Variants in UTRN observed in about 807,000 individuals in gnomAD.
UTRN encodes the protein utrophin.
UTRN carries 283 observed loss-of-function variants against 463.9 expected under a neutral mutation model. The ratio of observed to expected loss-of-function variants is 0.61; its 90% CI spans 0.55 to 0.67. The LOEUF is 0.67. Among genes scored for constraint, UTRN ranks in the 30% least tolerant of loss-of-function variants. The pLI is 0.00. For synonymous variants in UTRN, 1,442 were observed against 1,431.5 expected (o/e 1.01, Z -0.17); for missense variants, 3,922 against 4,084.3 (o/e 0.96, Z 1.08).
intron 2 of UTRN, chr6:144,330,677 A>AC (rs1776269180): frequency 3.8e-6 from 1 of 263,532 alleles, no homozygotes; most frequent in African/African-American, 2.3e-5. Context: ...GTGTTGTCAC[A>AC]CGTCTTCAGA....
At chr6:144,361,209 C>T (rs912109578) in intron 2 of UTRN, among the ~76,000 whole-genome samples, 6 of 152,168 alleles carry the variant, frequency 3.9e-5, no homozygotes, top group Non-Finnish European at 1.5e-5. Flanking sequence ...TGACTTTCCA[C>T]CCACTTTCTT....
chr6:144,724,009 C>CAAAA lies in UTRN; in HGVS notation c.7810-6331_7810-6328dup, dbSNP rs59598919. Among the ~76,000 whole-genome samples, 393 of 57,460 alleles carry CAAAA rather than the reference C, an allele frequency of 6.8e-3. 1 individual carries two copies. The highest frequency in any genetic ancestry group is 0.014 in the African/African-American group (257 of 17,766). The allele number at this position is 57,460 out of a possible 152,430, so 37.7% of individuals were successfully genotyped here. ...TGGGCGACAGAGTGAGACTCCATCT[C>CAAAA]AAAAAAAAAAAAAAAAAAAAGAAAG... On this transcript the variant is annotated intron_variant, in intron 53 of 74. Transcript: ENST00000367545.
At chr6:144,448,566 T>C (rs1473497594) in intron 16 of UTRN, 34 bp from the exon 17 acceptor site, 1 of 1,605,920 alleles carries the variant, frequency 6.2e-7, no homozygotes, top group Non-Finnish European at 8.5e-7. Flanking sequence ...GAAGCTGTTA[T>C]AAACATTGAA....
chr6:144,744,320 A>ATGTGTGTG (rs757430794), intron 54 of UTRN, among the ~76,000 whole-genome samples: 40 of 95,436 alleles, frequency 4.2e-4, no homozygotes, highest in African/African-American at 1.7e-3. Context: ...ATATATATAT[A>ATGTGTGTG]TGTGTGTGTG....
chr6:144,679,315 G>A (rs1781975152), intron 52 of UTRN, among the ~76,000 whole-genome samples: 1 of 152,118 alleles, frequency 6.6e-6, no homozygotes, highest in Non-Finnish European at 1.5e-5. Context: ...ATTTAATAGA[G>A]AGTGGACAGC....
At chr6:144,398,667 A>T (rs1252110002) in intron 2 of UTRN, 1 of 156,072 alleles carries the variant, frequency 6.4e-6, no homozygotes, top group Non-Finnish European at 1.4e-5. Flanking sequence ...GATCAAGAAA[A>T]TACCAGGAAT....
chr6:144,512,854 T>G (rs1240840371), intron 35 of UTRN, among the ~76,000 whole-genome samples: 1 of 152,186 alleles, frequency 6.6e-6, no homozygotes, highest in African/African-American at 2.4e-5. Flanking sequence ...TTTTCTTTTT[T>G]CAACTATGTT....
intron 2 of UTRN, among the ~76,000 whole-genome samples, chr6:144,350,236 TAAGTA>T: frequency 6.6e-6 from 1 of 151,038 alleles, no homozygotes; most frequent in South Asian, 2.1e-4. Flanking sequence ...TAAAATATCT[TAAGTA>T]ATCAGACTGT....
At chr6:144,301,602 G>T (rs959377062) in intron 2 of UTRN, among the ~76,000 whole-genome samples, 43 of 138,150 alleles carry the variant, frequency 3.1e-4, no homozygotes, top group Admixed American at 3.0e-3. Context: ...GGAGTGCAGT[G>T]ACTCAATTTC....
In UTRN at chr6:144,645,392, T is replaced by C. The variant is rs149338693; in HGVS notation, c.7480-33014T>C. On this transcript the variant is annotated intron_variant, in intron 51 of 74. Coordinates refer to ENST00000367545, the MANE Select transcript of UTRN (RefSeq NM_007124.3). The stretch of plus-strand genomic sequence containing the variant: ...TATAAAGTATTTTGTTTTGAAGATG[T>C]CTTTAAATTCACTGGCTTCAAAGAT... Among the ~76,000 whole-genome samples the C allele has an allele frequency of 1.2e-3, 188 of 152,364 alleles. 1 individual carries two copies. In the Middle Eastern group the frequency reaches 0.02, roughly 17 times the overall value.
chr6:144,842,565 G>C (rs550691295), intron 73 of UTRN, among the ~76,000 whole-genome samples: 43 of 151,822 alleles, frequency 2.8e-4, no homozygotes, highest in African/African-American at 1.0e-3. Flanking sequence ...CTTCAGCCTG[G>C]GCAACAGAGA....
chr6:144,546,727 T>C (rs1449716835), intron 46 of UTRN, among the ~76,000 whole-genome samples: 1 of 152,148 alleles, frequency 6.6e-6, no homozygotes, highest in Admixed American at 6.5e-5. Context: ...GAGGATCACT[T>C]GAACTCAGGA....
intron 3 of UTRN, among the ~76,000 whole-genome samples, chr6:144,421,628 G>T (rs1199479317): frequency 6.6e-6 from 1 of 151,886 alleles, no homozygotes; most frequent in African/African-American, 2.4e-5. Flanking sequence ...GGCGGAGGTT[G>T]CAGTGAGCTG....
intron 63 of UTRN, 129 bp downstream of exon 63, chr6:144,794,120 G>T (rs1777007765): frequency 1.1e-5 from 14 of 1,305,020 alleles, no homozygotes; most frequent in Non-Finnish European, 1.3e-5. Flanking sequence ...CCAACAAGTG[G>T]TGTATTTTAT....
At chr6:144,438,623 C>T (rs1786818546) in intron 11 of UTRN, 122 bp from the exon 12 acceptor site, 8 of 1,225,520 alleles carry the variant, frequency 6.5e-6, no homozygotes, top group Non-Finnish European at 6.8e-6. Flanking sequence ...AGACTAAATG[C>T]TACCTTGAAT....
Position 144,458,894 on chromosome 6 carries a change from T to C in UTRN, c.2409T>C (p.Tyr803=), listed in dbSNP as rs1192305538. ...AGCTACAGGAAGATATAAATGCTTA[T>C]TTCAAGCAGCTTGATGAGCTTGAAA... The part of the protein sequence containing the change: ...KIQLQEDINA[Y]FKQLDELEKV... The change falls in exon 20 of 75, where the codon TAT becomes TAC. Residue 803 remains tyrosine, a synonymous_variant. Coordinates refer to ENST00000367545, the MANE Select transcript of UTRN (RefSeq NM_007124.3). The C allele has an allele frequency of 6.2e-7, 1 of 1,613,864 alleles. No individual in the cohort carries two copies. The highest frequency in any genetic ancestry group is 1.7e-5 in the Admixed American group (1 of 59,964).
intron 52 of UTRN, among the ~76,000 whole-genome samples, chr6:144,685,068 C>T (rs1317795419): frequency 6.6e-6 from 1 of 152,120 alleles, no homozygotes; most frequent in Non-Finnish European, 1.5e-5. Context: ...TCCATTATAT[C>T]ACTGTGTATG....
chr6:144,606,096 C>T (rs908276480), intron 51 of UTRN, among the ~76,000 whole-genome samples: 3 of 152,058 alleles, frequency 2.0e-5, no homozygotes, highest in African/African-American at 7.2e-5. Flanking sequence ...TGTACCTTGT[C>T]GACCTGAAAT....
chr6:144,707,184 G>A (rs1480815296), intron 53 of UTRN: 1 of 152,014 alleles, frequency 6.6e-6, no homozygotes, highest in African/African-American at 2.4e-5. Flanking sequence ...ATTTTGTTGG[G>A]TAGGCTGATT....
Sources: allele counts gnomAD v4.1 joint callset (sites outside exome capture counted in the v4.1 genomes callset), GRCh38; gene constraint gnomAD v4.1.1; transcripts MANE v1.5; gene names NCBI Gene and HGNC (gene_info 2026-07-23, HGNC 2026-07-21).